HDAC9: variants seen among roughly 807,000 people sequenced by gnomAD.
HDAC9 encodes the protein MEF-2 interacting transcription repressor (MITR) protein.
A neutral mutation model predicts 139.4 loss-of-function variants in HDAC9; 41 were observed. The ratio of observed to expected loss-of-function variants is 0.29; its 90% CI spans 0.23 to 0.38. HDAC9 has a LOEUF of 0.38. Among genes scored for constraint, HDAC9 ranks in the 10% least tolerant of loss-of-function variants. HDAC9 has a pLI of 1.00. For missense variants in HDAC9, 1,147 were observed against 1,297.0 expected, an observed-to-expected ratio of 0.88 and a Z score of 1.78; for synonymous variants, 517 against 476.2, an observed-to-expected ratio of 1.09 and a Z score of -1.12.
At chr7:18,771,100 G>T (rs1459329601) in intron 16 of HDAC9, among the ~76,000 whole-genome samples, 1 of 152,090 alleles carries the variant, frequency 6.6e-6, no homozygotes, top group Non-Finnish European at 1.5e-5. Flanking sequence ...TCCCCTAAGA[G>T]GACTGAGGAT....
At chr7:18,468,569 C>T (rs533823518) in intron 1 of HDAC9, among the ~76,000 whole-genome samples, 1 of 152,176 alleles carries the variant, frequency 6.6e-6, no homozygotes, top group South Asian at 2.1e-4. Flanking sequence ...CTCAGTCTCC[C>T]TAGTGGCTAG....
At chr7:18,647,289 C>T (rs1584553799) in intron 9 of HDAC9, among the ~76,000 whole-genome samples, 1 of 152,002 alleles carries the variant, frequency 6.6e-6, no homozygotes, top group Non-Finnish European at 1.5e-5. Context: ...ATAAAAGGTA[C>T]ATATATTTGT....
upstream of HDAC9, among the ~76,000 whole-genome samples, chr7:18,494,391 A>G (rs138584727): frequency 8.0e-4 from 122 of 152,054 alleles, 1 homozygote; most frequent in African/African-American, 2.9e-3. Context: ...TCCCTCTTCC[A>G]TCGGATTGTT....
intron 24 of HDAC9, among the ~76,000 whole-genome samples, chr7:18,960,315 C>T (rs1251151904): frequency 6.6e-6 from 1 of 152,214 alleles, no homozygotes; most frequent in Admixed American, 6.5e-5. Context: ...CTTGTCAGAA[C>T]TGTGCTTGAT....
chr7:18,319,973 C>T (rs1422343655), intron 1 of HDAC9, among the ~76,000 whole-genome samples: 3 of 152,152 alleles, frequency 2.0e-5, no homozygotes, highest in African/African-American at 7.2e-5. Context: ...GACCAATTTT[C>T]AGGTCCAAAT....
intron 2 of HDAC9, among the ~76,000 whole-genome samples, chr7:18,248,655 G>A (rs1794718279): frequency 6.6e-6 from 1 of 152,156 alleles, no homozygotes; most frequent in South Asian, 2.1e-4. Context: ...CACTACATGA[G>A]AGGGAGGAGG....
At chr7:18,158,215 G>A (rs1394430739) in intron 1 of HDAC9, among the ~76,000 whole-genome samples, 19 of 152,120 alleles carry the variant, frequency 1.2e-4, no homozygotes, top group Admixed American at 1.2e-3. Flanking sequence ...TAAGCTCAGA[G>A]TATAGTTAAA....
chr7:18,486,815 A>C (rs1796008353), intron 1 of HDAC9, among the ~76,000 whole-genome samples: 1 of 152,174 alleles, frequency 6.6e-6, no homozygotes, highest in African/African-American at 2.4e-5. Context: ...TGGTAGGTAG[A>C]ATGGGGAATG....
At chr7:18,798,646 A>G (rs992425706) in intron 17 of HDAC9, among the ~76,000 whole-genome samples, 22 of 152,180 alleles carry the variant, frequency 1.4e-4, no homozygotes, top group African/African-American at 5.1e-4. Flanking sequence ...CTTACTTGCA[A>G]GGCTTTATTT....
intron 2 of HDAC9, among the ~76,000 whole-genome samples, chr7:18,572,187 G>A (rs1420706705): frequency 6.6e-6 from 1 of 151,386 alleles, no homozygotes; most frequent in African/African-American, 2.4e-5. Context: ...ACTAGGTTCC[G>A]GAGTTATAAG....
intron 12 of HDAC9, among the ~76,000 whole-genome samples, chr7:18,674,564 C>CT (rs1201069372): frequency 1.3e-5 from 2 of 151,950 alleles, no homozygotes; most frequent in Non-Finnish European, 2.9e-5. Context: ...AAAATGTACT[C>CT]TATTGTGTTC....
At chr7:18,525,026 G>A (rs574958738) in intron 2 of HDAC9, among the ~76,000 whole-genome samples, 1 of 151,950 alleles carries the variant, frequency 6.6e-6, no homozygotes, top group Non-Finnish European at 1.5e-5. Context: ...ATCATTTTAA[G>A]ATTTAATAAT....
At chr7:18,533,018 T>G (rs1380640763) in intron 2 of HDAC9, among the ~76,000 whole-genome samples, 1 of 152,124 alleles carries the variant, frequency 6.6e-6, no homozygotes, top group Non-Finnish European at 1.5e-5. Context: ...TCTCTACTCT[T>G]CCCAGTAGTT....
intron 1 of HDAC9, among the ~76,000 whole-genome samples, chr7:18,095,392 C>T (rs1384937226): frequency 1.3e-5 from 2 of 152,108 alleles, no homozygotes; most frequent in Non-Finnish European, 2.9e-5. Context: ...ATTTTTATTA[C>T]CCCAAACAGC....
chr7:18,629,242 G>C (rs1781571362), intron 6 of HDAC9, 108 bp from the exon 7 acceptor site: 1 of 1,036,244 alleles, frequency 9.7e-7, no homozygotes, highest in African/African-American at 1.6e-5. Context: ...TTGAGAATGA[G>C]AATGGACCAA....
chr7:18,255,959 G>T (rs893267603), intron 2 of HDAC9, among the ~76,000 whole-genome samples: 1 of 152,116 alleles, frequency 6.6e-6, no homozygotes, highest in African/African-American at 2.4e-5. Context: ...CTCATCATGT[G>T]ATGTGATTAA....
In HDAC9 at chr7:18,160,826, C is replaced by A. The variant is rs543411904; in HGVS notation, c.-96-1403C>A. On this transcript the variant is annotated intron_variant, in intron 1 of 12. Transcript: ENST00000417496. ...AGAGATGGGGTTTCACAATCTTGGC[C>A]AGGCTGGTCTCAAACTCCTGACCTC... Among the ~76,000 whole-genome samples the A allele has an allele frequency of 2.0e-5, 3 of 152,196 alleles. No individual in the cohort carries two copies. In the South Asian group the frequency reaches 6.2e-4, roughly 32 times the overall value.
chr7:18,658,248 T>A (rs1478965382), intron 11 of HDAC9, among the ~76,000 whole-genome samples: 1 of 152,118 alleles, frequency 6.6e-6, no homozygotes, highest in Non-Finnish European at 1.5e-5. Flanking sequence ...ACCTTTCTTT[T>A]CCTAAGGCCT....
chr7:18,111,940 T>A (rs547429195), intron 1 of HDAC9, among the ~76,000 whole-genome samples: 6 of 152,204 alleles, frequency 3.9e-5, no homozygotes, highest in Admixed American at 1.3e-4. Context: ...AGATCTAGCT[T>A]ATGCTGCCTT....
Sources: gnomAD v4.1 joint callset for allele counts (sites outside exome capture counted in the v4.1 genomes callset) on GRCh38, gnomAD v4.1.1 for gene constraint, MANE v1.5 for transcripts, NCBI Gene and HGNC (gene_info 2026-07-23, HGNC 2026-07-21) for gene names.